The following COL4A1 variants were observed in gnomAD, a reference collection of about 807,000 sequenced individuals.
The protein encoded by COL4A1 is collagen alpha-1(IV) chain.
Under a neutral mutation model 216.6 loss-of-function variants are expected in COL4A1, and 40 were observed. The observed-to-expected ratio is 0.18, with a 90% confidence interval of 0.14 to 0.24. The LOEUF is 0.24. COL4A1 is among the 10% of genes least tolerant of loss of function. COL4A1 has a pLI of 1.00. For missense variants in COL4A1, 1,628 were observed against 2,196.8 expected, an observed-to-expected ratio of 0.74 and a Z score of 5.18; for synonymous variants, 839 against 810.7, an observed-to-expected ratio of 1.03 and a Z score of -0.59.
At chr13:110,250,762 G>T (rs565338278) in intron 1 of COL4A1, among the ~76,000 whole-genome samples, 1 of 152,190 alleles carries the variant, frequency 6.6e-6, no homozygotes, top group Non-Finnish European at 1.5e-5. Context: ...GAGCCTTCCC[G>T]TGCTTGTGAG....
At chr13:110,198,301 G>A (rs746067355) in intron 21 of COL4A1, among the ~76,000 whole-genome samples, 166 bp downstream of exon 21, 2 of 152,136 alleles carry the variant, frequency 1.3e-5, no homozygotes, top group African/African-American at 2.4e-5. Flanking sequence ...TTGTAGCATG[G>A]TTCATTCTCT....
At chr13:110,175,418 A>G in intron 36 of COL4A1, 61 bp from the exon 37 acceptor site, 1 of 1,606,660 alleles carries the variant, frequency 6.2e-7, no homozygotes, top group African/African-American at 1.3e-5. Context: ...TTACAAATGA[A>G]AAAGTGCCTC....
rs1357334433 is a variant in COL4A1 at position 110,230,546 on chromosome 13, G to A, written c.144+12129C>T. ...AAGAAGGGTAAAGGGGGCGAGTGAGGTGGGACGGGTGGTGCACCTCCTCTA... is the reference window on the plus strand; with the variant it reads ...AAGAAGGGTAAAGGGGGCGAGTGAGATGGGACGGGTGGTGCACCTCCTCTA... On this transcript the variant is annotated intron_variant, in intron 2 of 51. Transcript: ENST00000375820. 2.8e-4 allele frequency among the ~76,000 whole-genome samples: 4 copies of A among 14,238 alleles called. No individual in the cohort carries two copies. In the Non-Finnish European group the frequency reaches 0.028, roughly 100 times the overall value. The allele number at this position is 14,238 out of a possible 152,430, so 9.3% of individuals were successfully genotyped here.
chr13:110,281,873 TG>T (rs1229292392), intron 1 of COL4A1, among the ~76,000 whole-genome samples: 1 of 152,250 alleles, frequency 6.6e-6, no homozygotes, highest in African/African-American at 2.4e-5. Flanking sequence ...GGATGTTTTC[TG>T]CAAAAGGCCC....
At chr13:110,194,634 A>T (rs1292792198) in intron 22 of COL4A1, among the ~76,000 whole-genome samples, 1 of 152,186 alleles carries the variant, frequency 6.6e-6, no homozygotes, top group Non-Finnish European at 1.5e-5. Context: ...CCATGTGCAG[A>T]TTTTTGACTT....
chr13:110,203,428 A>T, intron 18 of COL4A1, 138 bp downstream of exon 18: 8 of 827,244 alleles, frequency 9.7e-6, no homozygotes, highest in Non-Finnish European at 1.4e-5. Context: ...TGTGCCCTGC[A>T]TCTCCTCTCC....
intron 21 of COL4A1, among the ~76,000 whole-genome samples, chr13:110,197,654 G>T (rs1878966446): frequency 6.6e-6 from 1 of 152,198 alleles, no homozygotes; most frequent in African/African-American, 2.4e-5. Context: ...TGGAATCCAT[G>T]GCTCCATCTA....
intron 2 of COL4A1, among the ~76,000 whole-genome samples, chr13:110,240,245 T>C (rs1881500605): frequency 6.6e-6 from 1 of 151,824 alleles, no homozygotes; most frequent in Admixed American, 6.6e-5. Flanking sequence ...AACCCCAAAG[T>C]TGGCAATGGA....
At chr13:110,236,613 C>T (rs940630793) in intron 2 of COL4A1, among the ~76,000 whole-genome samples, 1 of 152,120 alleles carries the variant, frequency 6.6e-6, no homozygotes, top group African/African-American at 2.4e-5. Context: ...GCCATGCCCA[C>T]GTCCTGGGTA....
intron 2 of COL4A1, among the ~76,000 whole-genome samples, chr13:110,225,332 C>T (rs767909946): frequency 5.3e-5 from 8 of 152,214 alleles, no homozygotes; most frequent in Non-Finnish European, 1.0e-4. Flanking sequence ...GCCTATAATC[C>T]CAGCACTTTG....
chr13:110,182,702 C>T lies in COL4A1; in HGVS notation c.2095+291G>A, dbSNP rs3783111. Among the ~76,000 whole-genome samples the T allele has an allele frequency of 0.37, 56,153 of 152,092 alleles. 10,398 individuals are homozygous for T. The highest frequency in any genetic ancestry group is 0.41 in the East Asian group (2,121 of 5,150). ...TCAGGTGGACTGCGAGTCTTCCTCACGGATAAAAAGCAAACACCTGGAGGG... is the reference window on the plus strand; with the variant it reads ...TCAGGTGGACTGCGAGTCTTCCTCATGGATAAAAAGCAAACACCTGGAGGG... On this transcript the variant is annotated intron_variant, in intron 28 of 51. Coordinates refer to ENST00000375820, the MANE Select transcript of COL4A1 (RefSeq NM_001845.6).
chr13:110,231,148 C>A (rs967581922), intron 2 of COL4A1, among the ~76,000 whole-genome samples: 1 of 152,240 alleles, frequency 6.6e-6, no homozygotes, highest in African/African-American at 2.4e-5. Flanking sequence ...ACAAGATCCA[C>A]CGAGGTGCCT....
chr13:110,214,149 A>C, intron 2 of COL4A1, 134 bp from the exon 3 acceptor site: 1 of 745,966 alleles, frequency 1.3e-6, no homozygotes, highest in Non-Finnish European at 2.3e-6. Context: ...GCTGGAGTGC[A>C]TGCACGATCT....
intron 1 of COL4A1, among the ~76,000 whole-genome samples, chr13:110,285,072 A>G (rs947893206): frequency 6.6e-6 from 1 of 152,242 alleles, no homozygotes; most frequent in African/African-American, 2.4e-5. Flanking sequence ...GCTTTCAGGG[A>G]AAGAACACTC....
In COL4A1 at chr13:110,223,495, T is replaced by C. The variant is rs569752341; in HGVS notation, c.145-9480A>G. Among the ~76,000 whole-genome samples, 3 of 152,320 alleles carry C rather than the reference T, an allele frequency of 2.0e-5. No individual in the cohort carries two copies. In the East Asian group the frequency reaches 5.8e-4, roughly 29 times the overall value. Reference sequence around the variant, plus strand: ...AAAACCAAAATCACAGATGCCTCTTTCTAAACCTACTACCTAACATTCTGT... The same window carrying C: ...AAAACCAAAATCACAGATGCCTCTTCCTAAACCTACTACCTAACATTCTGT... On this transcript the variant is annotated intron_variant, in intron 2 of 51. Transcript: ENST00000375820.
At chr13:110,198,655 T>A in intron 20 of COL4A1, 24 bp from the exon 21 acceptor site, 1 of 1,613,662 alleles carries the variant, frequency 6.2e-7, no homozygotes, top group East Asian at 2.2e-5. Flanking sequence ...GAAGCTCACA[T>A]CAGTAACCTC....
At chr13:110,259,738 CTAATT>C (rs1882739636) in intron 1 of COL4A1, among the ~76,000 whole-genome samples, 1 of 152,136 alleles carries the variant, frequency 6.6e-6, no homozygotes, top group Non-Finnish European at 1.5e-5. Flanking sequence ...GTCAGTCAAC[CTAATT>C]TAATTATATT....
At chr13:110,163,429 C>G in intron 47 of COL4A1, 34 bp downstream of exon 47, 1 of 1,595,174 alleles carries the variant, frequency 6.3e-7, no homozygotes, top group Non-Finnish European at 8.6e-7. Flanking sequence ...AGATCCTGGT[C>G]AAGGGTAATT....
At chr13:110,222,320 A>T (rs1037262660) in intron 2 of COL4A1, among the ~76,000 whole-genome samples, 1 of 152,196 alleles carries the variant, frequency 6.6e-6, no homozygotes, top group Non-Finnish European at 1.5e-5. Flanking sequence ...CAGACAGTGG[A>T]TCCAGCCCGT....
Sources: gnomAD v4.1 joint callset for allele counts (sites outside exome capture counted in the v4.1 genomes callset) on GRCh38, gnomAD v4.1.1 for gene constraint, MANE v1.5 for transcripts, NCBI Gene and HGNC (gene_info 2026-07-23, HGNC 2026-07-21) for gene names.